Variants in NBAS observed in about 807,000 individuals in gnomAD.
NBAS encodes NAG/BC035112 fusion.
A neutral mutation model predicts 302.5 loss-of-function variants in NBAS; 219 were observed. The observed-to-expected ratio is 0.72, with a 90% CI of 0.65 to 0.81. NBAS has a LOEUF of 0.81. Among genes scored for constraint, NBAS ranks in the 30% least tolerant of loss-of-function variants. The probability of loss-of-function intolerance (pLI) is 0.00; values close to 1 mark genes in which losing one functional copy is unlikely to be tolerated. For missense variants in NBAS, 2,932 were observed against 2,841.6 expected (o/e 1.03, Z -0.72); for synonymous variants, 1,118 against 1,021.6 (o/e 1.09, Z -1.80).
the NBAS span, among the ~76,000 whole-genome samples, chr2:14,790,743 C>T: frequency 2.0e-5 from 3 of 151,586 alleles, no homozygotes; most frequent in South Asian, 4.2e-4. Context: ...CCTCTGCCTC[C>T]TGGGTTCAAG....
chr2:15,051,140 C>T, the NBAS span, among the ~76,000 whole-genome samples: 6 of 152,206 alleles, frequency 3.9e-5, no homozygotes, highest in East Asian at 1.2e-3. Context: ...GGAGGATGCA[C>T]TCAACGATTA....
At chr2:14,836,023 T>C in the NBAS span, among the ~76,000 whole-genome samples, 1 of 152,082 alleles carries the variant, frequency 6.6e-6, no homozygotes, top group East Asian at 1.9e-4. Context: ...TATAGGGATA[T>C]CACTGTGGCA....
the NBAS span, among the ~76,000 whole-genome samples, chr2:14,830,272 C>T: frequency 1.3e-5 from 2 of 152,144 alleles, no homozygotes; most frequent in African/African-American, 2.4e-5. Context: ...TAGCAGCAGG[C>T]GGGTCTCACA....
the NBAS span, among the ~76,000 whole-genome samples, chr2:15,011,702 C>T: frequency 6.6e-6 from 1 of 152,176 alleles, no homozygotes; most frequent in African/African-American, 2.4e-5. Flanking sequence ...CCACACATGC[C>T]CCTAACCTAA....
At chr2:15,461,089 A>G in intron 21 of NBAS, 112 bp downstream of exon 21, 1 of 1,017,190 alleles carries the variant, frequency 9.8e-7, no homozygotes, top group East Asian at 2.7e-5. Flanking sequence ...TCAGGAAAAA[A>G]GTTTAAATAT....
the NBAS span, among the ~76,000 whole-genome samples, chr2:14,819,723 G>A: frequency 2.4e-3 from 367 of 152,244 alleles, no homozygotes; most frequent in African/African-American, 8.1e-3. Context: ...AAGTGGAGAG[G>A]CAACCCACAG....
At chr2:15,412,283 G>A (rs1676720771) in intron 25 of NBAS, among the ~76,000 whole-genome samples, 1 of 152,052 alleles carries the variant, frequency 6.6e-6, no homozygotes, top group South Asian at 2.1e-4. Flanking sequence ...AGTAACCTAA[G>A]CCACATTTGG....
At chr2:15,424,222 C>T in intron 23 of NBAS, 93 bp downstream of exon 23, 1 of 1,374,338 alleles carries the variant, frequency 7.3e-7, no homozygotes, top group Non-Finnish European at 1.0e-6. Context: ...ATGATTCCTG[C>T]ACTGCTGTCA....
intron 21 of NBAS, among the ~76,000 whole-genome samples, chr2:15,430,404 T>TTACTAC (rs1257045895): frequency 6.6e-6 from 1 of 152,148 alleles, no homozygotes. Flanking sequence ...AGCATTACTA[T>TTACTAC]TACTACTACT....
the NBAS span, among the ~76,000 whole-genome samples, chr2:15,083,202 C>T: frequency 6.6e-6 from 1 of 152,180 alleles, no homozygotes; most frequent in African/African-American, 2.4e-5. Context: ...ACTGTGCTTT[C>T]CTTCAATACC....
intron 7 of NBAS, 125 bp from the exon 8 acceptor site, chr2:15,536,676 T>C (rs1462982492): frequency 3.4e-6 from 3 of 891,250 alleles, no homozygotes; most frequent in Non-Finnish European, 5.2e-6. Flanking sequence ...AACTTCAGAA[T>C]TGCTCTGTAT....
intron 48 of NBAS, among the ~76,000 whole-genome samples, chr2:15,203,180 A>G (rs952320906): frequency 3.9e-5 from 6 of 152,230 alleles, no homozygotes; most frequent in Non-Finnish European, 8.8e-5. Flanking sequence ...ACACTGAGTT[A>G]ACACTGAGCA....
At chr2:15,477,447 G>T (rs1201519670) in intron 13 of NBAS, among the ~76,000 whole-genome samples, 2 of 152,086 alleles carry the variant, frequency 1.3e-5, no homozygotes, top group African/African-American at 2.4e-5. Context: ...TTCCAGTAGA[G>T]ACAGGGTTTC....
chr2:14,995,965 AC>A, the NBAS span, among the ~76,000 whole-genome samples: 1 of 151,024 alleles, frequency 6.6e-6, no homozygotes, highest in Non-Finnish European at 1.5e-5. Context: ...ACACAAGTAC[AC>A]ACAGCTCTGT....
At chr2:14,785,035 G>C in the NBAS span, among the ~76,000 whole-genome samples, 3 of 152,006 alleles carry the variant, frequency 2.0e-5, no homozygotes, top group Non-Finnish European at 4.4e-5. Flanking sequence ...GGTCCTTCAC[G>C]TCCCTTGTAA....
the NBAS span, among the ~76,000 whole-genome samples, chr2:15,021,252 G>C: frequency 6.7e-6 from 1 of 149,226 alleles, no homozygotes; most frequent in African/African-American, 2.6e-5. Context: ...AAAAAAAATT[G>C]TTGACCATAC....
chr2:15,521,605 A>G (rs1662675280), intron 9 of NBAS, among the ~76,000 whole-genome samples: 1 of 152,204 alleles, frequency 6.6e-6, no homozygotes, highest in East Asian at 1.9e-4. Flanking sequence ...AAAGTCAAGT[A>G]TATTTAATAA....
intron 44 of NBAS, among the ~76,000 whole-genome samples, chr2:15,239,100 C>T (rs1490310779): frequency 6.6e-6 from 1 of 151,908 alleles, no homozygotes; most frequent in Non-Finnish European, 1.5e-5. Context: ...CAAAAGTAAT[C>T]TAATTGATAG....
At chr2:14,908,655 T>C in the NBAS span, among the ~76,000 whole-genome samples, 1 of 152,196 alleles carries the variant, frequency 6.6e-6, no homozygotes, top group Non-Finnish European at 1.5e-5. Flanking sequence ...ACAATTAACA[T>C]AATCATGGCT....
Sources: allele counts gnomAD v4.1 joint callset (sites outside exome capture counted in the v4.1 genomes callset), GRCh38; gene constraint gnomAD v4.1.1; transcripts MANE v1.5; gene names NCBI Gene and HGNC (gene_info 2026-07-23, HGNC 2026-07-21).